Variants in OR7D2 observed in about 807,000 individuals in gnomAD.
OR7D2 encodes the protein olfactory receptor family 7 subfamily D member 2, also known as olfactory receptor 7D2.
For missense variants in OR7D2, 370 were observed against 384.1 expected, an observed-to-expected ratio of 0.96 and a Z score of 0.31; for synonymous variants, 158 against 158.7, an observed-to-expected ratio of 1.00 and a Z score of 0.03.
rs2051034131 is a variant in OR7D2 at position 9,186,386 on chromosome 19, T to C, written c.605T>C (p.Met202Thr). 1 of 1,614,188 alleles carries C rather than the reference T, an allele frequency of 6.2e-7. No homozygotes were observed. The highest frequency in any genetic ancestry group is 1.1e-5 in the South Asian group (1 of 91,068). ...TFLNSTLIYF[M>T]TGVLGVFPLL... ...CTGAACAGCACGTTGATATACTTTA[T>C]GACGGGTGTGCTGGGCGTTTTTCCC... The change falls in exon 3 of 3, where the codon ATG (methionine) becomes ACG (threonine). Residue 202 changes from methionine to threonine, a missense_variant. Coordinates refer to ENST00000641288, the MANE Select transcript of OR7D2 (RefSeq NM_175883.4).
chr19:9,180,824 T>G (rs987650247), intron 2 of OR7D2, 36 bp downstream of exon 2: 1 of 152,080 alleles, frequency 6.6e-6, no homozygotes, highest in African/African-American at 2.4e-5. Context: ...GTCTAAATAT[T>G]TAAGTAAAAA....
At chr19:9,184,842 C>T (rs2051018806) in intron 2 of OR7D2, among the ~76,000 whole-genome samples, 1 of 151,870 alleles carries the variant, frequency 6.6e-6, no homozygotes, top group African/African-American at 2.4e-5. Context: ...TATTATTCCA[C>T]TGATTGATAA....
chr19:9,186,440 G>C lies in OR7D2; in HGVS notation c.659G>C (p.Arg220Pro). The change falls in exon 3 of 3, where the codon CGA (arginine) becomes CCA (proline). Residue 220 changes from arginine (R) to proline (P), a missense_variant. Physicochemically the swap from Arg to Pro is moderately radical, Grantham distance 103. Coordinates refer to ENST00000641288, the MANE Select transcript of OR7D2 (RefSeq NM_175883.4). ...CTTGGGATCATTTTCTCTTATTCACGAATTGCTTCATCCATAAGGAAGATG... is the reference window on the plus strand; with the variant it reads ...CTTGGGATCATTTTCTCTTATTCACCAATTGCTTCATCCATAAGGAAGATG... The part of the protein sequence containing the change: ...PLLGIIFSYS[R>P]IASSIRKMSS... The C allele has an allele frequency of 6.2e-7, 1 of 1,613,986 alleles. No homozygotes were observed. The highest frequency in any genetic ancestry group is 8.5e-7 in the Non-Finnish European group (1 of 1,180,028).
intron 2 of OR7D2, among the ~76,000 whole-genome samples, chr19:9,184,109 A>G (rs982554129): frequency 2.0e-5 from 3 of 151,442 alleles, no homozygotes; most frequent in African/African-American, 7.3e-5. Flanking sequence ...GGAATTAAAT[A>G]GAGGCCGGGT....
rs145118134 is a variant in OR7D2, at chr19:9,186,403, G to A, written c.622G>A (p.Val208Ile). The A allele has an allele frequency of 4.6e-4, 747 of 1,614,110 alleles. 8 individuals are homozygous for A. The East Asian group carries it at 0.014, about 30-fold the overall frequency. ...ATACTTTATGACGGGTGTGCTGGGC[G>A]TTTTTCCCCTCCTTGGGATCATTTT... is the stretch of plus-strand genomic sequence containing the variant. ...LIYFMTGVLG[V>I]FPLLGIIFSY... Residue 208 changes from valine (V) to isoleucine (I), a missense_variant, in exon 3 of 3, where the codon GTT becomes ATT. Coordinates refer to ENST00000641288, the MANE Select transcript of OR7D2 (RefSeq NM_175883.4).
In OR7D2 at chr19:9,182,746, C is replaced by T. The variant is rs577012274; in HGVS notation, c.-14+1958C>T. On this transcript the variant is annotated intron_variant, in intron 2 of 2. Coordinates refer to ENST00000641288, the MANE Select transcript of OR7D2 (RefSeq NM_175883.4). ...CTGTGTTAGCCAGGATGGTCTCGAT[C>T]TCCTGACCTGGTGATCCGCCCTCCT... 10 of 165,296 alleles carry T rather than the reference C, an allele frequency of 6.0e-5. No individual in the cohort carries two copies. The South Asian group carries it at 9.9e-4, about 16-fold the overall frequency. The allele number at this position is 165,296 out of a possible 1,614,324, so 10.2% of individuals were successfully genotyped here.
In OR7D2 at chr19:9,186,111, G is replaced by A; in HGVS notation, c.330G>A (p.Leu110=). The change falls in exon 3 of 3, where the codon CTG becomes CTA. Residue 110 remains leucine, a synonymous_variant. Transcript: ENST00000641288. ...ATTTCTCCATGTTTTTTCCTATTCT[G>A]GACACGCTACTCCTGACCGTGATGG... ...QVYFSMFFPI[L]DTLLLTVMAY... is the part of the protein sequence containing the mutation. 1 of 1,613,926 alleles carries A rather than the reference G, an allele frequency of 6.2e-7. No homozygotes were observed. The highest frequency in any genetic ancestry group is 8.5e-7 in the Non-Finnish European group (1 of 1,179,952).
rs2050972777 is a variant in OR7D2, at chr19:9,179,055, A to G, written c.-173A>G. The G allele has an allele frequency of 6.6e-6, 1 of 151,718 alleles. No homozygotes were observed. Among genetic ancestry groups the G allele is most frequent in the Non-Finnish European group, 1.5e-5 (1 of 67,976 alleles). The allele number at this position is 151,718 out of a possible 1,614,324, so 9.4% of individuals were successfully genotyped here. On this transcript the variant is annotated 5_prime_UTR_variant, in exon 1 of 3. Coordinates refer to ENST00000641288, the MANE Select transcript of OR7D2 (RefSeq NM_175883.4). Reference sequence around the variant, plus strand: ...CCATCTCCCCGCCTTTCCCTGCTAGATTCTGTCTTCAGCATTCAACAGTCA... The same window carrying G: ...CCATCTCCCCGCCTTTCCCTGCTAGGTTCTGTCTTCAGCATTCAACAGTCA...
rs192071270 is a variant in OR7D2 at position 9,183,739 on chromosome 19, C to T, written c.-13-2030C>T. 4.8e-3 allele frequency among the ~76,000 whole-genome samples: 715 copies of T among 149,386 alleles called. 1 individual carries two copies. Among genetic ancestry groups the T allele is most frequent in the Middle Eastern group, 0.011 (3 of 282 alleles). ...TTGGGAGGCCGAGGCGGGCGGATCA[C>T]GAGGTCAGGAGATCGAGACCATCCT... On this transcript the variant is annotated intron_variant, in intron 2 of 2. Coordinates refer to ENST00000641288, the MANE Select transcript of OR7D2 (RefSeq NM_175883.4).
chr19:9,185,050 A>T (rs2051020355), intron 2 of OR7D2, among the ~76,000 whole-genome samples: 1 of 152,220 alleles, frequency 6.6e-6, no homozygotes, highest in Non-Finnish European at 1.5e-5. Flanking sequence ...AATGAAGAAG[A>T]TGTAGGATAA....
intron 1 of OR7D2, among the ~76,000 whole-genome samples, chr19:9,179,553 AAAAG>A (rs1335031972): frequency 6.6e-6 from 1 of 151,770 alleles, no homozygotes; most frequent in East Asian, 1.9e-4. Context: ...CAAAAAAAAA[AAAAG>A]ATTCTATTGC....
intron 2 of OR7D2, among the ~76,000 whole-genome samples, chr19:9,185,429 T>C (rs1380026749): frequency 2.0e-5 from 3 of 151,596 alleles, no homozygotes; most frequent in African/African-American, 4.8e-5. Flanking sequence ...AAGTAAATAG[T>C]ATGGACAACA....
At chr19:9,183,989 A>T (rs1325799085) in intron 2 of OR7D2, among the ~76,000 whole-genome samples, 6 of 127,730 alleles carry the variant, frequency 4.7e-5, no homozygotes, top group African/African-American at 2.0e-4. Flanking sequence ...AAAAAAAAAA[A>T]AAAAGACAAG....
rs2051028611 is a variant in OR7D2 at position 9,185,984 on chromosome 19, G to A, written c.203G>A (p.Trp68Ter). The change falls in exon 3 of 3, where the codon TGG (tryptophan) becomes TAG (stop). Residue 68 changes from tryptophan to a stop codon, truncating the protein, a stop_gained. Transcript: ENST00000641288. LOFTEE classifies it low-confidence loss of function (END_TRUNC). ...PMYFFLSNLS[W>*]VDICFSTCIV... is the part of the protein sequence containing the mutation. ...TACTTCTTCCTCTCCAACCTGTCCT[G>A]GGTTGACATCTGTTTCAGCACTTGC... The A allele has an allele frequency of 6.2e-7, 1 of 1,614,036 alleles. No individual in the cohort carries two copies. The highest frequency in any genetic ancestry group is 1.6e-4 in the Middle Eastern group (1 of 6,062).
At chr19:9,185,271 A>G (rs534726104) in intron 2 of OR7D2, among the ~76,000 whole-genome samples, 24 of 152,120 alleles carry the variant, frequency 1.6e-4, no homozygotes, top group Non-Finnish European at 3.5e-4. Flanking sequence ...ATCTATATGT[A>G]TCTCATAACA....
Position 9,188,588 on chromosome 19 carries a change from G to A in OR7D2, c.*1868G>A, listed in dbSNP as rs901006806. 2.4e-5 allele frequency: 4 copies of A among 167,052 alleles called. No individual in the cohort carries two copies. Among genetic ancestry groups the A allele is most frequent in the East Asian group, 1.9e-4 (1 of 5,202 alleles). 10.3% of individuals were successfully genotyped at this position (167,052 alleles called of 1,614,324 possible). A position where few individuals can be genotyped will look rare whatever the true frequency, so the allele number is the denominator to read the frequency against. On this transcript the variant is annotated 3_prime_UTR_variant, in exon 3 of 3. Transcript: ENST00000641288. ...TTCAAAAATTGTGTCCTTGATCATCGTTCTTAATTCTCCATTAGTGAGTTC... is the reference window on the plus strand; with the variant it reads ...TTCAAAAATTGTGTCCTTGATCATCATTCTTAATTCTCCATTAGTGAGTTC...
chr19:9,184,956 A>G (rs2051019523), intron 2 of OR7D2, among the ~76,000 whole-genome samples: 2 of 150,910 alleles, frequency 1.3e-5, no homozygotes, highest in South Asian at 2.1e-4. Context: ...GCATTTTTTC[A>G]CTTCTATGTG....
chr19:9,185,658 C>T, intron 2 of OR7D2, 111 bp from the exon 3 acceptor site: 1 of 613,046 alleles, frequency 1.6e-6, no homozygotes, highest in Non-Finnish European at 2.9e-6. Context: ...AACATAGCTC[C>T]CTGCAGTTGC....
Position 9,186,555 on chromosome 19 carries a change from C to T in OR7D2, c.774C>T (p.Val258=). The T allele has an allele frequency of 6.2e-7, 1 of 1,613,606 alleles. No individual in the cohort carries two copies. The highest frequency in any genetic ancestry group is 8.5e-7 in the Non-Finnish European group (1 of 1,179,940). Residue 258 remains valine, a synonymous_variant, in exon 3 of 3, where the codon GTC becomes GTT. Transcript: ENST00000641288. ...TATTTTATGGGACAGGCATTGGGGT[C>T]CACTTCACTTCTGCGGTGACTCACT... ...VSLFYGTGIG[V]HFTSAVTHSS...
Sources: gnomAD v4.1 joint callset for allele counts (sites outside exome capture counted in the v4.1 genomes callset) on GRCh38, gnomAD v4.1.1 for gene constraint, MANE v1.5 for transcripts, NCBI Gene and HGNC (gene_info 2026-07-23, HGNC 2026-07-21) for gene names.